DOCK1: variants seen among roughly 807,000 people sequenced by gnomAD.
DOCK1 encodes the protein dedicator of cytokinesis protein 1.
DOCK1 carries 138 observed loss-of-function variants against 262.7 expected under a neutral mutation model. The observed-to-expected ratio is 0.53, with a 90% CI of 0.46 to 0.61. The LOEUF is 0.61. Ranked by LOEUF, DOCK1 falls within the 20% of genes least tolerant of loss-of-function variation. The pLI is 0.00. For synonymous variants in DOCK1, 866 were observed against 867.4 expected, an observed-to-expected ratio of 1.00 and a Z score of 0.03; for missense variants, 1,908 against 2,370.7, an observed-to-expected ratio of 0.80 and a Z score of 4.05.
chr10:126,998,401 C>A, intron 8 of DOCK1, 152 bp downstream of exon 8: 1 of 1,037,544 alleles, frequency 9.6e-7, no homozygotes, highest in Non-Finnish European at 1.4e-6. Context: ...CTGTCTTAGA[C>A]AGTGTGATGG....
At chr10:127,157,944 C>A (rs1030163903) in intron 27 of DOCK1, among the ~76,000 whole-genome samples, 5 of 152,196 alleles carry the variant, frequency 3.3e-5, no homozygotes, top group African/African-American at 7.2e-5. Context: ...GGTATGCCTG[C>A]TAAAATTTTA....
At chr10:126,977,905 C>T (rs745740591) in intron 2 of DOCK1, 43 bp from the exon 3 acceptor site, 3 of 1,602,974 alleles carry the variant, frequency 1.9e-6, no homozygotes, top group Non-Finnish European at 2.6e-6. Flanking sequence ...AGGACCCTAA[C>T]ATGTCTCTTT....
At chr10:127,416,460 G>C (rs1379670082) in intron 44 of DOCK1, among the ~76,000 whole-genome samples, 1 of 152,222 alleles carries the variant, frequency 6.6e-6, no homozygotes, top group Non-Finnish European at 1.5e-5. Context: ...GCCAACAGCT[G>C]CCGGATGCAG....
intron 2 of DOCK1, among the ~76,000 whole-genome samples, chr10:126,976,089 C>T (rs2038519772): frequency 1.3e-5 from 2 of 152,296 alleles, no homozygotes; most frequent in African/African-American, 4.8e-5. Context: ...GAGTACACAG[C>T]TTTGCATAAC....
At chr10:127,066,208 G>A (rs1266071838) in intron 23 of DOCK1, among the ~76,000 whole-genome samples, 1 of 151,930 alleles carries the variant, frequency 6.6e-6, no homozygotes, top group Admixed American at 6.6e-5. Flanking sequence ...TTCCTCCCAG[G>A]TGCCCCCGCC....
intron 27 of DOCK1, among the ~76,000 whole-genome samples, chr10:127,206,393 C>T (rs2057725706): frequency 6.6e-6 from 1 of 152,284 alleles, no homozygotes; most frequent in Admixed American, 6.5e-5. Flanking sequence ...ATCTGCCCAC[C>T]TCGGCCTCCC....
chr10:127,076,645 C>T (rs994509147), intron 23 of DOCK1, among the ~76,000 whole-genome samples: 3 of 152,206 alleles, frequency 2.0e-5, no homozygotes, highest in Non-Finnish European at 4.4e-5. Context: ...TCCCCCACCC[C>T]AGCACCCTGA....
chr10:127,385,334 T>C (rs960779753), intron 38 of DOCK1, among the ~76,000 whole-genome samples: 4 of 152,158 alleles, frequency 2.6e-5, no homozygotes, highest in Non-Finnish European at 5.9e-5. Flanking sequence ...TAGATTCCAC[T>C]TGACTTCCAC....
chr10:127,073,131 A>G (rs1054538010), intron 23 of DOCK1, among the ~76,000 whole-genome samples: 17 of 152,262 alleles, frequency 1.1e-4, no homozygotes, highest in Admixed American at 3.9e-4. Context: ...ATTGAGGCCT[A>G]TTTTGATTGC....
chr10:127,429,975 G>A (rs1443468456), intron 47 of DOCK1, among the ~76,000 whole-genome samples: 1 of 152,190 alleles, frequency 6.6e-6, no homozygotes, highest in East Asian at 1.9e-4. Flanking sequence ...AATTGATCCT[G>A]GTTCTGCATT....
chr10:127,435,672 A>G (rs1300195753), intron 48 of DOCK1, among the ~76,000 whole-genome samples: 1 of 152,146 alleles, frequency 6.6e-6, no homozygotes, highest in African/African-American at 2.4e-5. Flanking sequence ...TTTTAGACAG[A>G]AGAGTGGTGA....
intron 25 of DOCK1, among the ~76,000 whole-genome samples, chr10:127,119,890 C>G (rs963327284): frequency 6.6e-6 from 1 of 152,212 alleles, no homozygotes; most frequent in African/African-American, 2.4e-5. Context: ...GCTGATAATG[C>G]TTATTGAATA....
intron 30 of DOCK1, 133 bp from the exon 31 acceptor site, chr10:127,343,513 T>G: frequency 1.4e-6 from 1 of 728,400 alleles, no homozygotes; most frequent in Non-Finnish European, 2.2e-6. Flanking sequence ...GCAACATGTA[T>G]AGAGTGAGTG....
intron 45 of DOCK1, among the ~76,000 whole-genome samples, chr10:127,418,901 C>T (rs2068325677): frequency 1.3e-5 from 2 of 152,204 alleles, no homozygotes; most frequent in Admixed American, 1.3e-4. Flanking sequence ...AGGGAGGTAG[C>T]GCTTTGACGG....
At chr10:126,982,617 C>T (rs945809498) in intron 4 of DOCK1, among the ~76,000 whole-genome samples, 8 of 152,190 alleles carry the variant, frequency 5.3e-5, no homozygotes, top group African/African-American at 1.9e-4. Context: ...AATTACTAAT[C>T]ATATGATTAC....
chr10:127,352,612 A>G (rs771150823), intron 31 of DOCK1, among the ~76,000 whole-genome samples: 6 of 151,938 alleles, frequency 3.9e-5, no homozygotes, highest in Non-Finnish European at 7.4e-5. Flanking sequence ...TTTTTTCTTG[A>G]TACAGAGTCT....
intron 2 of DOCK1, among the ~76,000 whole-genome samples, chr10:126,973,922 C>T (rs113406022): frequency 1.3e-5 from 2 of 152,192 alleles, no homozygotes; most frequent in African/African-American, 4.8e-5. Context: ...ACAGAGCTTG[C>T]TCCAGAGGCT....
chr10:127,328,119 CAAA>C (rs11301683), intron 29 of DOCK1, among the ~76,000 whole-genome samples: 91 of 72,536 alleles, frequency 1.3e-3, no homozygotes, highest in African/African-American at 3.9e-3. Flanking sequence ...TACAAATGGG[CAAA>C]AAAAAAAAAA....
intron 29 of DOCK1, among the ~76,000 whole-genome samples, chr10:127,328,946 A>C (rs1267424400): frequency 6.6e-6 from 1 of 151,198 alleles, no homozygotes; most frequent in East Asian, 1.9e-4. Flanking sequence ...TATATAAATA[A>C]ATATTATATA....
Sources: allele counts gnomAD v4.1 joint callset (sites outside exome capture counted in the v4.1 genomes callset), GRCh38; gene constraint gnomAD v4.1.1; transcripts MANE v1.5; gene names NCBI Gene and HGNC (gene_info 2026-07-23, HGNC 2026-07-21).